DENND4C: variants seen among roughly 807,000 people sequenced by gnomAD.
DENND4C encodes the protein DENN domain containing 4C, also known as DENN domain-containing protein 4C.
DENND4C carries 108 observed loss-of-function variants against 203.0 expected under a neutral mutation model. That is an observed-to-expected ratio of 0.53 (90% CI 0.46 to 0.62). The LOEUF (loss-of-function observed/expected upper bound fraction) is 0.62. Among genes scored for constraint, DENND4C ranks in the 20% least tolerant of loss-of-function variants. The probability of loss-of-function intolerance (pLI) is 0.00; values close to 1 mark genes in which losing one functional copy is unlikely to be tolerated. For synonymous variants in DENND4C, 871 were observed against 792.4 expected, an observed-to-expected ratio of 1.10 and a Z score of -1.67; for missense variants, 2,481 against 2,301.2, an observed-to-expected ratio of 1.08 and a Z score of -1.60.
chr9:19,332,551 G>T (rs529104050), intron 17 of DENND4C, among the ~76,000 whole-genome samples: 1 of 144,134 alleles, frequency 6.9e-6, no homozygotes, highest in South Asian at 2.2e-4. Flanking sequence ...TTTTAATAGA[G>T]ATGGGGTCTC....
chr9:19,315,189 G>A (rs1478920313), intron 10 of DENND4C, among the ~76,000 whole-genome samples: 7 of 150,708 alleles, frequency 4.6e-5, no homozygotes, highest in African/African-American at 1.5e-4. Context: ...AAAAAGCTGA[G>A]CCAGACTTTC....
At chr9:19,258,820 A>T (rs10733362) in intron 1 of DENND4C, among the ~76,000 whole-genome samples, 92,076 of 151,688 alleles carry the variant, frequency 0.61, 28,241 homozygotes, top group South Asian at 0.76. Flanking sequence ...AGGCCCAGCT[A>T]ATTTTTGTAT....
At chr9:19,354,630 C>A (rs1250729677) in intron 26 of DENND4C, among the ~76,000 whole-genome samples, 1 of 140,862 alleles carries the variant, frequency 7.1e-6, no homozygotes, top group Admixed American at 7.5e-5. Context: ...TCTTGGCCTA[C>A]AACGTCTGCC....
chr9:19,301,806 G>A (rs1838639433), intron 9 of DENND4C, among the ~76,000 whole-genome samples: 2 of 152,042 alleles, frequency 1.3e-5, no homozygotes, highest in African/African-American at 2.4e-5. Flanking sequence ...GCGTGGTGGT[G>A]CACGCCTGTA....
intron 17 of DENND4C, among the ~76,000 whole-genome samples, chr9:19,333,827 T>A (rs1358551339): frequency 6.6e-6 from 1 of 152,216 alleles, no homozygotes; most frequent in African/African-American, 2.4e-5. Context: ...TTAAGATAAC[T>A]ATAAATGATG....
intron 1 of DENND4C, among the ~76,000 whole-genome samples, chr9:19,248,588 C>G (rs578143732): frequency 6.6e-6 from 1 of 151,918 alleles, no homozygotes; most frequent in South Asian, 2.1e-4. Flanking sequence ...TGGGGTTTCT[C>G]CATATTGGTC....
intron 26 of DENND4C, among the ~76,000 whole-genome samples, chr9:19,355,949 T>A (rs1305417978): frequency 6.6e-6 from 1 of 152,148 alleles, no homozygotes; most frequent in Non-Finnish European, 1.5e-5. Context: ...TCCTATACTT[T>A]TTGAGTTAAT....
chr9:19,326,267 A>G (rs1817815669), intron 15 of DENND4C, 73 bp downstream of exon 15: 4 of 1,455,766 alleles, frequency 2.7e-6, no homozygotes, highest in Admixed American at 5.0e-5. Flanking sequence ...GTAGATATGT[A>G]TATTAGTCTT....
rs2131865101 is a variant in DENND4C, at chr9:19,336,843, C to A, written c.2881+11C>A. ...ATCACTCTAGCACAGGTACTAAAAT[C>A]CAGATTTTACTAACCCTTCACTTAC... is the stretch of plus-strand genomic sequence containing the variant. On this transcript the variant is annotated intron_variant, in intron 20 of 32. Transcript: ENST00000434457. 1 of 1,544,066 alleles carries A rather than the reference C, an allele frequency of 6.5e-7. No homozygotes were observed. The highest frequency in any genetic ancestry group is 1.4e-5 in the African/African-American group (1 of 72,944).
intron 10 of DENND4C, among the ~76,000 whole-genome samples, chr9:19,313,216 C>T (rs760421721): frequency 6.6e-6 from 1 of 151,946 alleles, no homozygotes; most frequent in Non-Finnish European, 1.5e-5. Context: ...ATATTTTACT[C>T]TTTTTTTAAG....
intron 27 of DENND4C, 85 bp downstream of exon 27, chr9:19,357,239 A>T: frequency 7.5e-7 from 1 of 1,324,658 alleles, no homozygotes; most frequent in Non-Finnish European, 1.1e-6. Flanking sequence ...AACCTGACTC[A>T]TATAGGCATA....
chr9:19,357,221 C>G lies in DENND4C; in HGVS notation c.4964+67C>G, dbSNP rs747257666. 7 of 1,522,218 alleles carry G rather than the reference C, an allele frequency of 4.6e-6. No individual in the cohort carries two copies. The African/African-American group carries it at 6.9e-5, about 15-fold the overall frequency. The allele number at this position is 1,522,218 out of a possible 1,614,324, so 94.3% of individuals were successfully genotyped here. A position where few individuals can be genotyped will look rare whatever the true frequency, so the allele number is the denominator to read the frequency against. ...GGGTACCCTTGTAAAAATTCTGTCT[C>G]TAAAGACAACCTGACTCATATAGGC... On this transcript the variant is annotated intron_variant, in intron 27 of 32. Coordinates refer to ENST00000434457, the MANE Select transcript of DENND4C (RefSeq NM_001330640.2).
At chr9:19,350,532 T>TA (rs1372808191) in intron 23 of DENND4C, among the ~76,000 whole-genome samples, 170 bp from the exon 24 acceptor site, 24 of 152,302 alleles carry the variant, frequency 1.6e-4, no homozygotes, top group African/African-American at 4.3e-4. Flanking sequence ...TTGAATGTCT[T>TA]AGAGTGTGGA....
chr9:19,332,690 T>C (rs1434392328), intron 17 of DENND4C, among the ~76,000 whole-genome samples: 4 of 149,022 alleles, frequency 2.7e-5, no homozygotes, highest in Middle Eastern at 3.4e-3. Flanking sequence ...AGAGATGGAG[T>C]CTCACTCCTC....
chr9:19,263,822 A>G (rs910532243), intron 1 of DENND4C, among the ~76,000 whole-genome samples: 3 of 151,230 alleles, frequency 2.0e-5, no homozygotes, highest in African/African-American at 2.4e-5. Flanking sequence ...CGCCCGGCTA[A>G]ATTTTTTTTG....
Position 19,372,592 on chromosome 9 carries a change from G to C in DENND4C, c.*419G>C, listed in dbSNP as rs1241023526. ...TCTCAATTATAAAAGCAACATGGCC[G>C]GGCACGGTGGCTCAGGCCTGTAATC... On this transcript the variant is annotated 3_prime_UTR_variant, in exon 33 of 33. Transcript: ENST00000434457. 2 of 156,136 alleles carry C rather than the reference G, an allele frequency of 1.3e-5. No individual in the cohort carries two copies. The highest frequency in any genetic ancestry group is 4.8e-5 in the African/African-American group (2 of 41,426). The allele number at this position is 156,136 out of a possible 1,614,324, so 9.7% of individuals were successfully genotyped here. A position where few individuals can be genotyped will look rare whatever the true frequency, so the allele number is the denominator to read the frequency against.
At chr9:19,344,158 T>C (rs1415407521) in intron 22 of DENND4C, among the ~76,000 whole-genome samples, 3 of 152,162 alleles carry the variant, frequency 2.0e-5, no homozygotes, top group Non-Finnish European at 4.4e-5. Context: ...CTAAGACAGC[T>C]TTTTTCCTTG....
At chr9:19,291,024 C>A in intron 5 of DENND4C, 148 bp downstream of exon 5, 2 of 789,420 alleles carry the variant, frequency 2.5e-6, no homozygotes, top group Non-Finnish European at 3.9e-6. Flanking sequence ...GGTGAGAAAT[C>A]AACATGAAAA....
Position 19,326,174 on chromosome 9 carries a change from G to A in DENND4C, c.2100G>A (p.Lys700=), listed in dbSNP as rs115618441. 1,735 of 1,612,366 alleles carry A rather than the reference G, an allele frequency of 1.1e-3. 16 individuals are homozygous for A. In the African/African-American group the frequency reaches 0.02, roughly 19 times the overall value. The change falls in exon 15 of 33, where the codon AAG becomes AAA. Residue 700 remains lysine (K), a synonymous_variant. Transcript: ENST00000434457. Reference sequence around the variant, plus strand: ...CAGAGCCACCTCCTGATGATGGAAAGGACCTGTCACCAAAGTACAGGTAGT... The same window carrying A: ...CAGAGCCACCTCCTGATGATGGAAAAGACCTGTCACCAAAGTACAGGTAGT... The part of the protein sequence containing the change: ...MPPEPPPDDG[K]DLSPKYSYKY...
Sources: allele counts gnomAD v4.1 joint callset (sites outside exome capture counted in the v4.1 genomes callset), GRCh38; gene constraint gnomAD v4.1.1; transcripts MANE v1.5; gene names NCBI Gene and HGNC (gene_info 2026-07-23, HGNC 2026-07-21).